Variants in SLIT3 observed in about 807,000 individuals in gnomAD.
The protein encoded by SLIT3 is slit homolog 3 protein.
Under a neutral mutation model 184.0 loss-of-function variants are expected in SLIT3, and 68 were observed. The ratio of observed to expected loss-of-function variants is 0.37; its 90% CI spans 0.30 to 0.45. SLIT3 has a LOEUF of 0.45. SLIT3 is among the 20% of genes least tolerant of loss of function. The probability of loss-of-function intolerance (pLI) is 1.00; values close to 1 mark genes in which losing one functional copy is unlikely to be tolerated. For synonymous variants in SLIT3, 831 were observed against 828.6 expected (o/e 1.00, Z -0.05); for missense variants, 1,707 against 2,026.0 (o/e 0.84, Z 3.02).
intron 1 of SLIT3, among the ~76,000 whole-genome samples, chr5:169,277,099 A>G (rs1261783306): frequency 1.3e-5 from 2 of 152,136 alleles, no homozygotes; most frequent in Admixed American, 6.6e-5. Context: ...ATAACCTTTA[A>G]TCTACTTTAT....
chr5:169,056,502 A>C (rs1307278865), intron 4 of SLIT3, among the ~76,000 whole-genome samples: 1 of 152,172 alleles, frequency 6.6e-6, no homozygotes, highest in Non-Finnish European at 1.5e-5. Context: ...TGATTTTGAC[A>C]CCACATTGCC....
chr5:168,862,737 C>A (rs2113751483), intron 5 of SLIT3, among the ~76,000 whole-genome samples: 1 of 151,982 alleles, frequency 6.6e-6, no homozygotes, highest in African/African-American at 2.4e-5. Flanking sequence ...TGCAATGGCA[C>A]AATCTTGGCT....
intron 4 of SLIT3, among the ~76,000 whole-genome samples, chr5:168,917,545 T>A (rs1257769126): frequency 6.6e-6 from 1 of 152,184 alleles, no homozygotes; most frequent in Non-Finnish European, 1.5e-5. Flanking sequence ...GTAATAACAA[T>A]TTTTTACAAG....
chr5:169,183,798 C>T (rs1763245191), intron 4 of SLIT3, among the ~76,000 whole-genome samples: 1 of 152,150 alleles, frequency 6.6e-6, no homozygotes. Flanking sequence ...TGGTTTATTC[C>T]CCCATATATC....
At chr5:168,970,340 A>G (rs1450931220) in intron 4 of SLIT3, among the ~76,000 whole-genome samples, 1 of 151,874 alleles carries the variant, frequency 6.6e-6, no homozygotes, top group Non-Finnish European at 1.5e-5. Flanking sequence ...TACTAAAAAT[A>G]CAAAAATAGC....
chr5:169,208,828 G>A (rs574839318), intron 3 of SLIT3, among the ~76,000 whole-genome samples: 15 of 152,292 alleles, frequency 9.8e-5, no homozygotes, highest in Admixed American at 3.9e-4. Flanking sequence ...AGACTTAAGT[G>A]TTAGCCCTAA....
intron 4 of SLIT3, among the ~76,000 whole-genome samples, chr5:169,113,448 G>C (rs1760488939): frequency 6.6e-6 from 1 of 151,942 alleles, no homozygotes; most frequent in Non-Finnish European, 1.5e-5. Context: ...ATTACATTCG[G>C]TTTATCCATC....
intron 8 of SLIT3, among the ~76,000 whole-genome samples, chr5:168,806,841 T>C (rs1756982368): frequency 6.6e-6 from 1 of 152,196 alleles, no homozygotes; most frequent in East Asian, 1.9e-4. Flanking sequence ...CTCCATCTTT[T>C]GGAGAAAGAG....
chr5:169,153,103 G>A (rs1762175580), intron 4 of SLIT3, among the ~76,000 whole-genome samples: 1 of 152,208 alleles, frequency 6.6e-6, no homozygotes, highest in Admixed American at 6.5e-5. Flanking sequence ...GTCTGGATAA[G>A]ACATCACTTC....
At chr5:169,194,658 C>A (rs1033346660) in intron 3 of SLIT3, among the ~76,000 whole-genome samples, 4 of 152,192 alleles carry the variant, frequency 2.6e-5, no homozygotes, top group African/African-American at 9.6e-5. Flanking sequence ...TTATCACCAT[C>A]CCTGGAGGTG....
intron 1 of SLIT3, among the ~76,000 whole-genome samples, chr5:169,273,562 A>G (rs1025060008): frequency 4.6e-5 from 7 of 152,146 alleles, no homozygotes; most frequent in African/African-American, 1.4e-4. Flanking sequence ...ACTAAACCAG[A>G]ATCTCTGGGG....
rs551634011 is a variant in SLIT3 at position 169,202,684 on chromosome 5, C to T, written c.342-9134G>A. On this transcript the variant is annotated intron_variant, in intron 3 of 35. Coordinates refer to ENST00000519560, the MANE Select transcript of SLIT3 (RefSeq NM_003062.4). The stretch of plus-strand genomic sequence containing the variant: ...CTATGAGAGTCTCAGGAAATCCTTG[C>T]CCTATTTATGTGGTTATAGAGAACT... 3.9e-3 allele frequency among the ~76,000 whole-genome samples: 586 copies of T among 152,166 alleles called. 9 individuals carry two copies. The highest frequency in any genetic ancestry group is 9.6e-4 in the Non-Finnish European group (65 of 68,012).
chr5:169,052,145 C>A (rs984819012), intron 4 of SLIT3, among the ~76,000 whole-genome samples: 2 of 151,636 alleles, frequency 1.3e-5, no homozygotes, highest in African/African-American at 2.4e-5. Context: ...AGCTCATATA[C>A]CCCCATCCCA....
intron 4 of SLIT3, among the ~76,000 whole-genome samples, chr5:168,996,207 A>G (rs1755503592): frequency 6.6e-6 from 1 of 152,134 alleles, no homozygotes; most frequent in Admixed American, 6.5e-5. Flanking sequence ...CAGAGGGAGA[A>G]CAAACAGAGA....
At chr5:168,755,508 C>G (rs569962540) in intron 16 of SLIT3, among the ~76,000 whole-genome samples, 8 of 151,198 alleles carry the variant, frequency 5.3e-5, no homozygotes, top group Non-Finnish European at 1.2e-4. Context: ...AATCTTGGCT[C>G]ACTGCAGCCT....
At chr5:168,711,980 G>A (rs1762573694) in intron 24 of SLIT3, among the ~76,000 whole-genome samples, 1 of 152,160 alleles carries the variant, frequency 6.6e-6, no homozygotes, top group Admixed American at 6.5e-5. Context: ...ATAATAAAAG[G>A]ATAAAAATGC....
At position 168,684,143 on chromosome 5, in the gene SLIT3, G is replaced by A. The variant is rs769142343; in HGVS notation, c.3556-47C>T. 6 of 1,493,254 alleles carry A rather than the reference G, an allele frequency of 4.0e-6. No homozygotes were observed. The South Asian group carries it at 8.3e-5, about 21-fold the overall frequency. The allele number at this position is 1,493,254 out of a possible 1,614,324, so 92.5% of individuals were successfully genotyped here. A position where few individuals can be genotyped will look rare whatever the true frequency, so the allele number is the denominator to read the frequency against. On this transcript the variant is annotated intron_variant, in intron 31 of 35. Transcript: ENST00000519560. Reference sequence around the variant, plus strand: ...TGTTAGTAAGGGCTTACCTGAGACTGAACCTTCCCTGCCCATCTCACAGAG... The same window carrying A: ...TGTTAGTAAGGGCTTACCTGAGACTAAACCTTCCCTGCCCATCTCACAGAG...
chr5:169,119,073 C>A (rs1760788228), intron 4 of SLIT3, among the ~76,000 whole-genome samples: 1 of 152,208 alleles, frequency 6.6e-6, no homozygotes. Flanking sequence ...CCATGCCTGT[C>A]TGGATCCAAA....
At chr5:168,790,915 C>T (rs1756340779) in intron 10 of SLIT3, 1 of 152,246 alleles carries the variant, frequency 6.6e-6, no homozygotes, top group African/African-American at 2.4e-5. Context: ...TCCCTGCCTC[C>T]AAAGCCTGTA....
Sources: gnomAD v4.1 joint callset for allele counts (sites outside exome capture counted in the v4.1 genomes callset) on GRCh38, gnomAD v4.1.1 for gene constraint, MANE v1.5 for transcripts, NCBI Gene and HGNC (gene_info 2026-07-23, HGNC 2026-07-21) for gene names.